Variants in SMIM8 observed in about 807,000 individuals in gnomAD.
SMIM8 encodes the protein UPF0708 protein C6orf162.
In SMIM8, 8 loss-of-function variants were observed where a neutral mutation model predicts 8.1. That is an observed-to-expected ratio of 0.99 (90% confidence interval 0.58 to 1.78). The LOEUF is 1.78. Among genes scored for constraint, SMIM8 ranks in the 40% most tolerant of loss-of-function variants. The probability of loss-of-function intolerance (pLI) is 0.00; values close to 1 mark genes in which losing one functional copy is unlikely to be tolerated. For missense variants in SMIM8, 126 were observed against 119.8 expected (o/e 1.05, Z -0.24); for synonymous variants, 45 against 39.7 (o/e 1.13, Z -0.50).
At chr6:87,338,758 T>C (rs1401108872) in intron 3 of SMIM8, among the ~76,000 whole-genome samples, 1 of 152,172 alleles carries the variant, frequency 6.6e-6, no homozygotes, top group Non-Finnish European at 1.5e-5. Flanking sequence ...TTTATATCAC[T>C]ACTGTGCATT....
chr6:87,335,438 T>C (rs1777093319), intron 2 of SMIM8, among the ~76,000 whole-genome samples: 1 of 152,184 alleles, frequency 6.6e-6, no homozygotes, highest in Non-Finnish European at 1.5e-5. Flanking sequence ...ATAATCATGA[T>C]ATGCATGAGG....
intron 3 of SMIM8, among the ~76,000 whole-genome samples, chr6:87,337,717 C>T (rs1777143406): frequency 6.6e-6 from 1 of 152,176 alleles, no homozygotes; most frequent in African/African-American, 2.4e-5. Flanking sequence ...GCTTCAAACC[C>T]CTGGGCTCAA....
At chr6:87,338,527 G>A (rs1222786784) in intron 3 of SMIM8, among the ~76,000 whole-genome samples, 1 of 152,166 alleles carries the variant, frequency 6.6e-6, no homozygotes, top group African/African-American at 2.4e-5. Flanking sequence ...GTCTAGTGGA[G>A]GGCATTGTAA....
chr6:87,328,506 C>T (rs1289282055), intron 1 of SMIM8, among the ~76,000 whole-genome samples: 7 of 151,722 alleles, frequency 4.6e-5, no homozygotes, highest in East Asian at 3.9e-4. Context: ...TTGGAGTACC[C>T]GGCCGTGTGA....
At chr6:87,339,303 T>TAAC (rs749749445) in intron 3 of SMIM8, among the ~76,000 whole-genome samples, 14 of 149,916 alleles carry the variant, frequency 9.3e-5, no homozygotes, top group African/African-American at 1.5e-4. Context: ...TCCTGTCTCT[T>TAAC]AACAACAACA....
At chr6:87,332,329 A>G (rs1255707270) in intron 2 of SMIM8, among the ~76,000 whole-genome samples, 5 of 144,558 alleles carry the variant, frequency 3.5e-5, no homozygotes, top group Admixed American at 2.1e-4. Context: ...CCATATATGT[A>G]TATATATATA....
At chr6:87,338,070 A>G (rs781453275) in intron 3 of SMIM8, among the ~76,000 whole-genome samples, 5 of 152,244 alleles carry the variant, frequency 3.3e-5, no homozygotes, top group South Asian at 2.1e-4. Context: ...TTAAAGTTAA[A>G]TAGATCAACT....
Position 87,337,013 on chromosome 6 carries a change from T to C in SMIM8, c.-19T>C. ...AATATATTATTTTGTTTTTAGATAATAAATCATCATTGATCAAGATGTCTT... is the reference window on the plus strand; with the variant it reads ...AATATATTATTTTGTTTTTAGATAACAAATCATCATTGATCAAGATGTCTT... On this transcript the variant is annotated 5_prime_UTR_variant, in exon 3 of 4. Transcript: ENST00000392863. The C allele has an allele frequency of 6.4e-7, 1 of 1,572,118 alleles. No individual in the cohort carries two copies. Among genetic ancestry groups the C allele is most frequent in the Non-Finnish European group, 8.6e-7 (1 of 1,164,360 alleles).
intron 1 of SMIM8, among the ~76,000 whole-genome samples, chr6:87,327,115 G>A (rs1426642415): frequency 6.6e-6 from 1 of 151,308 alleles, no homozygotes; most frequent in Non-Finnish European, 1.5e-5. Context: ...TTTTCCATTT[G>A]CTTGGTAGAT....
chr6:87,325,816 G>C (rs552747470), intron 1 of SMIM8, among the ~76,000 whole-genome samples: 2 of 152,150 alleles, frequency 1.3e-5, no homozygotes, highest in Non-Finnish European at 2.9e-5. Context: ...TTTTTCTATT[G>C]ATTGGAATAG....
chr6:87,327,088 A>C (rs1396197383), intron 1 of SMIM8, among the ~76,000 whole-genome samples: 1 of 150,260 alleles, frequency 6.7e-6, no homozygotes, highest in Non-Finnish European at 1.5e-5. Context: ...TAGGATTGCA[A>C]CCCCTGCTTT....
chr6:87,339,198 A>C (rs242281), intron 3 of SMIM8, among the ~76,000 whole-genome samples: 65,831 of 151,924 alleles, frequency 0.43, 14,610 homozygotes, highest in Non-Finnish European at 0.48. Context: ...CCAGCTTGGG[A>C]GGCTGAGGCA....
At chr6:87,327,393 A>C (rs1006259113) in intron 1 of SMIM8, among the ~76,000 whole-genome samples, 1 of 151,802 alleles carries the variant, frequency 6.6e-6, no homozygotes, top group Non-Finnish European at 1.5e-5. Flanking sequence ...TGGATGGTAC[A>C]GGTTGTTCCT....
At chr6:87,336,892 C>G in intron 2 of SMIM8, 117 bp from the exon 3 acceptor site, 3 of 669,954 alleles carry the variant, frequency 4.5e-6, no homozygotes, top group Non-Finnish European at 6.8e-6. Flanking sequence ...AACTGACAAT[C>G]ACATTTGGTA....
chr6:87,332,815 T>C (rs1777023474), intron 2 of SMIM8, among the ~76,000 whole-genome samples: 1 of 70,358 alleles, frequency 1.4e-5, no homozygotes, highest in Admixed American at 1.1e-4. Flanking sequence ...TTTTATCTAA[T>C]GCCTCAGTTT....
intron 1 of SMIM8, among the ~76,000 whole-genome samples, chr6:87,326,236 T>C (rs1236921755): frequency 1.3e-5 from 2 of 152,228 alleles, no homozygotes. Flanking sequence ...TTCATTAATT[T>C]TTTGAAGGGT....
intron 1 of SMIM8, among the ~76,000 whole-genome samples, chr6:87,323,462 C>A (rs1052804559): frequency 3.1e-5 from 4 of 127,770 alleles, no homozygotes; most frequent in Non-Finnish European, 6.3e-5. Flanking sequence ...GTGTGATGTT[C>A]CCCTTCCTGT....
rs59321615 is a variant in SMIM8 at position 87,339,325 on chromosome 6, CGTGTGTGTGTGTGTGTGTGT to C, written c.136-763_136-744del. On this transcript the variant is annotated intron_variant, in intron 3 of 3. Coordinates refer to ENST00000392863, the MANE Select transcript of SMIM8 (RefSeq NM_001042493.3). ...TCTTAACAACAACAACAAAACACAG[CGTGTGTGTGTGTGTGTGTGT>C]GTGTGTGTGTGTGTGTGTGTGTGTG... Among the ~76,000 whole-genome samples the C allele has an allele frequency of 4.8e-4, 59 of 124,180 alleles. 1 individual carries two copies. The South Asian group carries it at 9.3e-3, about 20-fold the overall frequency. 81.5% of individuals were successfully genotyped at this position (124,180 alleles called of 152,430 possible). A position where few individuals can be genotyped will look rare whatever the true frequency, so the allele number is the denominator to read the frequency against.
rs542887790 is a variant in SMIM8 at position 87,341,708 on chromosome 6, G to C, written c.*1434G>C. On this transcript the variant is annotated 3_prime_UTR_variant, in exon 4 of 4. Coordinates refer to ENST00000392863, the MANE Select transcript of SMIM8 (RefSeq NM_001042493.3). ...TGATTTGTAGGTATTAAAGAACTTA[G>C]CTAATTGAATTTACATGAAACTAAA... is the stretch of plus-strand genomic sequence containing the variant. The C allele has an allele frequency of 3.1e-5, 5 of 159,178 alleles. No individual in the cohort carries two copies. The highest frequency in any genetic ancestry group is 1.2e-4 in the African/African-American group (5 of 41,870). The allele number at this position is 159,178 out of a possible 1,614,324, so 9.9% of individuals were successfully genotyped here.
Sources: gnomAD v4.1 joint callset for allele counts (sites outside exome capture counted in the v4.1 genomes callset) on GRCh38, gnomAD v4.1.1 for gene constraint, MANE v1.5 for transcripts, NCBI Gene and HGNC (gene_info 2026-07-23, HGNC 2026-07-21) for gene names.